MED15: variants seen among roughly 807,000 people sequenced by gnomAD.
The protein encoded by MED15 is mediator complex subunit 15.
In MED15, 41 loss-of-function variants were observed where a neutral mutation model predicts 118.7. The ratio of observed to expected loss-of-function variants is 0.35; its 90% CI spans 0.27 to 0.45. The LOEUF (loss-of-function observed/expected upper bound fraction) is 0.45. MED15 is among the 20% of genes least tolerant of loss of function. The pLI, the probability that MED15 is intolerant of heterozygous loss-of-function variation, is 1.00. For synonymous variants in MED15, 436 were observed against 413.9 expected (o/e 1.05, Z -0.65); for missense variants, 740 against 1,025.5 (o/e 0.72, Z 3.80).
At chr22:20,568,659 T>C (rs747803181) in intron 8 of MED15, 28 bp downstream of exon 8, 6 of 1,607,020 alleles carry the variant, frequency 3.7e-6, no homozygotes, top group Non-Finnish European at 5.1e-6. Context: ...GAGGGCTCCA[T>C]AGTCATCAGC....
intron 5 of MED15, among the ~76,000 whole-genome samples, chr22:20,562,002 A>G (rs2056261837): frequency 1.3e-5 from 2 of 152,292 alleles, no homozygotes; most frequent in African/African-American, 4.8e-5. Context: ...CAATCAGTCA[A>G]TAAAATTAGC....
chr22:20,509,277 C>T (rs1362496614), intron 1 of MED15, among the ~76,000 whole-genome samples: 1 of 152,066 alleles, frequency 6.6e-6, no homozygotes, highest in Non-Finnish European at 1.5e-5. Flanking sequence ...AGTGAAATGC[C>T]AGTGTTGGGA....
In MED15 at chr22:20,564,459, A is replaced by G; in HGVS notation, c.461A>G (p.Gln154Arg). Residue 154 changes from glutamine to arginine, a missense_variant, in exon 6 of 18, where the codon CAG becomes CGG. Coordinates refer to ENST00000263205, the MANE Select transcript of MED15 (RefSeq NM_001003891.3). ...TCTGGTCTTTTCTCAGCCCAGCTGC[A>G]GCTCCAGCAGGTGGCGCTGCAGCAG... ...VSTATPQTQL[Q>R]LQQVALQQQQ... is the part of the protein sequence containing the mutation. 6.2e-7 allele frequency: 1 copy of G among 1,613,532 alleles called. No individual in the cohort carries two copies. Among genetic ancestry groups the G allele is most frequent in the South Asian group, 1.1e-5 (1 of 91,048 alleles).
chr22:20,528,188 A>G (rs1261630850), intron 1 of MED15, among the ~76,000 whole-genome samples: 1 of 151,836 alleles, frequency 6.6e-6, no homozygotes, highest in Non-Finnish European at 1.5e-5. Context: ...TCTGAGAGGG[A>G]CCCTCCAAAG....
chr22:20,526,874 G>C (rs912099638), intron 1 of MED15, among the ~76,000 whole-genome samples: 2 of 152,170 alleles, frequency 1.3e-5, no homozygotes, highest in African/African-American at 2.4e-5. Flanking sequence ...TGGGTCCCTT[G>C]TTTTCTATAT....
intron 17 of MED15, among the ~76,000 whole-genome samples, chr22:20,586,094 G>A (rs957024981): frequency 1.3e-5 from 2 of 152,216 alleles, no homozygotes; most frequent in Admixed American, 1.3e-4. Flanking sequence ...TGTGTTCAGT[G>A]GGTGAGGGGT....
rs531572018 is a variant in MED15, at chr22:20,521,713, T to G, written c.68+13967T>G. ...GCCTGGCCTTATTTATTTATTTATT[T>G]ATTTATTTATTTATTTATTTATGTA... On this transcript the variant is annotated intron_variant, in intron 1 of 17. Coordinates refer to ENST00000263205, the MANE Select transcript of MED15 (RefSeq NM_001003891.3). Among the ~76,000 whole-genome samples the G allele has an allele frequency of 3.1e-4, 32 of 104,384 alleles. No homozygotes were observed. In the East Asian group the frequency reaches 0.015, roughly 49 times the overall value. 68.5% of individuals were successfully genotyped at this position (104,384 alleles called of 152,430 possible).
rs1569229601 is a variant in MED15, at chr22:20,566,514, C to T, written c.738C>T (p.Leu246=). Residue 246 remains leucine, a synonymous_variant, in exon 7 of 18, where the codon CTC becomes CTT. Transcript: ENST00000263205. Reference sequence around the variant, plus strand: ...TGCAGCGAATAGCACAGCTGCAGCTCCAACAACAGCAACAGCAGCAGCAGC... The same window carrying T: ...TGCAGCGAATAGCACAGCTGCAGCTTCAACAACAGCAACAGCAGCAGCAGC... ...QQLQRIAQLQ[L]QQQQQQQQQQ... 3.1e-6 allele frequency: 5 copies of T among 1,605,888 alleles called. No individual in the cohort carries two copies. Among genetic ancestry groups the T allele is most frequent in the Non-Finnish European group, 4.3e-6 (5 of 1,175,324 alleles).
intron 9 of MED15, among the ~76,000 whole-genome samples, chr22:20,577,954 C>T (rs768872555): frequency 2.6e-5 from 4 of 152,048 alleles, no homozygotes; most frequent in Non-Finnish European, 4.4e-5. Context: ...GACAGAGTCT[C>T]GCACTTGTCC....
At chr22:20,542,179 A>T (rs2055339355) in intron 2 of MED15, among the ~76,000 whole-genome samples, 1 of 152,224 alleles carries the variant, frequency 6.6e-6, no homozygotes, top group African/African-American at 2.4e-5. Context: ...AAAAAATTGA[A>T]TGTAGAGTTA....
At chr22:20,564,363 T>C in intron 5 of MED15, 87 bp from the exon 6 acceptor site, 2 of 1,554,714 alleles carry the variant, frequency 1.3e-6, no homozygotes, top group Non-Finnish European at 8.7e-7. Context: ...GGGCTTTTGC[T>C]GGCTGTTTTG....
intron 5 of MED15, among the ~76,000 whole-genome samples, chr22:20,556,321 G>A (rs2146538257): frequency 6.9e-6 from 1 of 144,174 alleles, no homozygotes; most frequent in South Asian, 2.2e-4. Context: ...TTTTTTTTGA[G>A]ACAGAGTTTC....
At chr22:20,521,964 C>G (rs1360390434) in intron 1 of MED15, 1 of 152,146 alleles carries the variant, frequency 6.6e-6, no homozygotes, top group African/African-American at 2.4e-5. Context: ...GACCTGACCT[C>G]AGGTGATCCA....
intron 5 of MED15, among the ~76,000 whole-genome samples, chr22:20,558,787 T>TGGAGCAGGTGCGGATTGGA (rs2056117732): frequency 1.3e-5 from 2 of 152,078 alleles, no homozygotes; most frequent in African/African-American, 4.8e-5. Context: ...AGGTGCAGAT[T>TGGAGCAGGTGCGGATTGGA]GGAGCAGGTG....
intron 1 of MED15, among the ~76,000 whole-genome samples, chr22:20,510,594 G>A (rs1323892474): frequency 2.0e-5 from 3 of 152,190 alleles, no homozygotes; most frequent in Admixed American, 2.0e-4. Flanking sequence ...CCTTGAGCTT[G>A]TAGGACTGAG....
At chr22:20,536,822 C>T (rs1322538721) in intron 1 of MED15, among the ~76,000 whole-genome samples, 1 of 152,206 alleles carries the variant, frequency 6.6e-6, no homozygotes, top group Non-Finnish European at 1.5e-5. Context: ...TGGTTGTGAG[C>T]CATCCCTAGG....
chr22:20,529,595 T>C (rs902654470), intron 1 of MED15, among the ~76,000 whole-genome samples: 4 of 152,002 alleles, frequency 2.6e-5, no homozygotes, highest in Non-Finnish European at 5.9e-5. Flanking sequence ...GGCTAATTTT[T>C]GTATTTTTAT....
chr22:20,548,560 C>T (rs2055646443), intron 2 of MED15, among the ~76,000 whole-genome samples: 1 of 152,176 alleles, frequency 6.6e-6, no homozygotes, highest in Admixed American at 6.5e-5. Context: ...ATTTCCAGCC[C>T]AGTTCCTGAT....
intron 9 of MED15, among the ~76,000 whole-genome samples, chr22:20,581,470 G>C (rs559700823): frequency 2.4e-4 from 36 of 152,184 alleles, no homozygotes; most frequent in South Asian, 4.1e-4. Context: ...TGCCCCAGGA[G>C]AAGCACTGAG....
Sources: allele counts gnomAD v4.1 joint callset (sites outside exome capture counted in the v4.1 genomes callset), GRCh38; gene constraint gnomAD v4.1.1; transcripts MANE v1.5; gene names NCBI Gene and HGNC (gene_info 2026-07-23, HGNC 2026-07-21).